TCF12: variants seen among roughly 807,000 people sequenced by gnomAD.
TCF12 encodes the protein DNA-binding protein HTF4.
A neutral mutation model predicts 86.0 loss-of-function variants in TCF12; 45 were observed. That is an observed-to-expected ratio of 0.52 (90% CI 0.41 to 0.67). TCF12 has a LOEUF of 0.67. Ranked by LOEUF, TCF12 falls within the 30% of genes least tolerant of loss-of-function variation. TCF12 has a pLI of 0.00. For synonymous variants in TCF12, 330 were observed against 299.6 expected (o/e 1.10, Z -1.05); for missense variants, 881 against 859.9 (o/e 1.02, Z -0.31).
intron 3 of TCF12, among the ~76,000 whole-genome samples, chr15:57,060,498 A>T (rs1596337577): frequency 6.6e-6 from 1 of 152,206 alleles, no homozygotes; most frequent in African/African-American, 2.4e-5. Context: ...AATGGAAAAA[A>T]TTTATTAGAA....
intron 5 of TCF12, among the ~76,000 whole-genome samples, chr15:57,109,751 A>G (rs899023049): frequency 1.3e-5 from 2 of 152,216 alleles, no homozygotes; most frequent in Non-Finnish European, 2.9e-5. Flanking sequence ...AAAAATGTTA[A>G]AAGTTAAGGG....
chr15:57,010,650 T>C (rs773694516), intron 3 of TCF12, among the ~76,000 whole-genome samples: 8 of 152,058 alleles, frequency 5.3e-5, no homozygotes, highest in Non-Finnish European at 8.8e-5. Flanking sequence ...ATAAGGAAAA[T>C]TGTTACTGCC....
chr15:57,137,546 C>T (rs2052639428), intron 5 of TCF12, among the ~76,000 whole-genome samples: 1 of 152,208 alleles, frequency 6.6e-6, no homozygotes, highest in Non-Finnish European at 1.5e-5. Context: ...ATGTAGGAAT[C>T]GTTGTAGGAT....
intron 20 of TCF12, among the ~76,000 whole-genome samples, chr15:57,283,743 A>G (rs1243620095): frequency 1.3e-5 from 2 of 152,202 alleles, no homozygotes; most frequent in African/African-American, 4.8e-5. Flanking sequence ...GAAAGTCTGG[A>G]ATTTGATAGA....
intron 3 of TCF12, among the ~76,000 whole-genome samples, chr15:57,038,358 T>C (rs1390473843): frequency 1.3e-5 from 2 of 150,744 alleles, no homozygotes; most frequent in African/African-American, 2.4e-5. Context: ...AGCCCAGGAG[T>C]TGGAGGTTGC....
chr15:56,978,212 G>A (rs1434196939), intron 3 of TCF12, among the ~76,000 whole-genome samples: 2 of 152,148 alleles, frequency 1.3e-5, no homozygotes, highest in Non-Finnish European at 2.9e-5. Flanking sequence ...TCATTGTACT[G>A]TATCGAGTAG....
At chr15:57,196,046 T>C (rs767405165) in intron 7 of TCF12, among the ~76,000 whole-genome samples, 14 of 152,006 alleles carry the variant, frequency 9.2e-5, no homozygotes, top group Non-Finnish European at 1.5e-4. Flanking sequence ...TTGTATAGTG[T>C]CATTTATGGA....
intron 5 of TCF12, among the ~76,000 whole-genome samples, chr15:57,151,141 ATTTT>A (rs756072811): frequency 1.6e-5 from 2 of 128,136 alleles, no homozygotes. Flanking sequence ...TGCCTGGCCA[ATTTT>A]TTTTTTTTTT....
intron 3 of TCF12, among the ~76,000 whole-genome samples, chr15:57,004,208 G>A (rs2064212581): frequency 6.6e-6 from 1 of 151,408 alleles, no homozygotes. Context: ...CCTAAACGTA[G>A]GTCTTAACAT....
At chr15:57,031,318 G>A (rs1461711425) in intron 3 of TCF12, among the ~76,000 whole-genome samples, 1 of 152,160 alleles carries the variant, frequency 6.6e-6, no homozygotes, top group Non-Finnish European at 1.5e-5. Flanking sequence ...GTGTTTATCA[G>A]TGATCTCCCT....
intron 12 of TCF12, among the ~76,000 whole-genome samples, chr15:57,234,657 C>G (rs1468115108): frequency 1.3e-5 from 2 of 152,178 alleles, no homozygotes; most frequent in Admixed American, 1.3e-4. Flanking sequence ...TCACATACAT[C>G]ACTTCAGAAC....
At chr15:57,195,469 G>A (rs2057210923) in intron 7 of TCF12, among the ~76,000 whole-genome samples, 1 of 152,160 alleles carries the variant, frequency 6.6e-6, no homozygotes, top group Admixed American at 6.5e-5. Context: ...TTTGTTCAAG[G>A]GAATGCTGTA....
chr15:57,257,203 C>T (rs1395387289), intron 16 of TCF12, among the ~76,000 whole-genome samples: 4 of 152,184 alleles, frequency 2.6e-5, no homozygotes, highest in African/African-American at 9.7e-5. Context: ...TAAATTGGCA[C>T]CTAAGCAGAT....
intron 3 of TCF12, among the ~76,000 whole-genome samples, chr15:57,036,872 G>C (rs916585745): frequency 1.1e-4 from 17 of 152,254 alleles, no homozygotes; most frequent in African/African-American, 3.9e-4. Context: ...TTTAAGGGAA[G>C]CAGAGAAAAG....
chr15:57,231,082 T>C (rs1490081263), intron 8 of TCF12, 70 bp from the exon 9 acceptor site: 1 of 1,229,098 alleles, frequency 8.1e-7, no homozygotes, highest in Non-Finnish European at 1.2e-6. Flanking sequence ...TTACAGAATA[T>C]AGAACTCATT....
At chr15:56,928,061 A>G (rs562175007) in intron 3 of TCF12, among the ~76,000 whole-genome samples, 1 of 152,208 alleles carries the variant, frequency 6.6e-6, no homozygotes, top group African/African-American at 2.4e-5. Flanking sequence ...TTTGTGAGAG[A>G]GACAATATAG....
At chr15:56,920,886 C>A in intron 2 of TCF12, 140 bp from the exon 3 acceptor site, 1 of 568,708 alleles carries the variant, frequency 1.8e-6, no homozygotes, top group Non-Finnish European at 3.0e-6. Flanking sequence ...ATTTGCCTCT[C>A]TGGATCTGAA....
chr15:57,016,095 C>G (rs1019937981), intron 3 of TCF12, among the ~76,000 whole-genome samples: 1 of 152,076 alleles, frequency 6.6e-6, no homozygotes, highest in African/African-American at 2.4e-5. Flanking sequence ...TTACGTGTAC[C>G]CTGCAGGTAG....
At chr15:56,947,773 G>T (rs1447454751) in intron 3 of TCF12, among the ~76,000 whole-genome samples, 2 of 152,132 alleles carry the variant, frequency 1.3e-5, no homozygotes, top group African/African-American at 2.4e-5. Context: ...TAGAGGCAGG[G>T]TGCTTGAAGG....
Sources: gnomAD v4.1 joint callset for allele counts (sites outside exome capture counted in the v4.1 genomes callset) on GRCh38, gnomAD v4.1.1 for gene constraint, MANE v1.5 for transcripts, NCBI Gene and HGNC (gene_info 2026-07-23, HGNC 2026-07-21) for gene names.